The following LRRK1 variants were observed in gnomAD, a reference collection of about 807,000 sequenced individuals.
LRRK1 encodes the protein leucine rich repeat kinase 1.
In LRRK1, 113 loss-of-function variants were observed where a neutral mutation model predicts 209.1. The ratio of observed to expected loss-of-function variants is 0.54; its 90% CI spans 0.46 to 0.63. LRRK1 has a LOEUF of 0.63. LRRK1 is among the 30% of genes least tolerant of loss of function. LRRK1 has a pLI of 0.00. For synonymous variants in LRRK1, 1,144 were observed against 1,099.7 expected, an observed-to-expected ratio of 1.04 and a Z score of -0.80; for missense variants, 2,284 against 2,632.2, an observed-to-expected ratio of 0.87 and a Z score of 2.89.
chr15:101,052,073 G>A (rs996669448), intron 24 of LRRK1, 113 bp downstream of exon 24: 22 of 1,245,752 alleles, frequency 1.8e-5, no homozygotes, highest in South Asian at 1.5e-4. Flanking sequence ...CAGGTGCCCC[G>A]GCCATGGCTT....
intron 2 of LRRK1, among the ~76,000 whole-genome samples, chr15:100,955,771 T>C (rs988524038): frequency 6.6e-6 from 1 of 152,206 alleles, no homozygotes; most frequent in African/African-American, 2.4e-5. Flanking sequence ...CTTTATTCTG[T>C]TAATGTGGTG....
chr15:101,029,732 G>T (rs961320004), intron 20 of LRRK1, among the ~76,000 whole-genome samples: 1 of 152,106 alleles, frequency 6.6e-6, no homozygotes, highest in Non-Finnish European at 1.5e-5. Flanking sequence ...GCCGGGCATG[G>T]TGGTGCATGC....
chr15:101,061,351 T>TG, intron 30 of LRRK1, 63 bp downstream of exon 30: 3 of 1,165,660 alleles, frequency 2.6e-6, no homozygotes, highest in Non-Finnish European at 1.3e-6. Flanking sequence ...CAGCCCTGGG[T>TG]GGGGGCCACA....
chr15:101,066,086 G>A lies in LRRK1; in HGVS notation c.5649G>A (p.Thr1883=), dbSNP rs748966498. The A allele has an allele frequency of 5.2e-5, 84 of 1,613,934 alleles. No individual in the cohort carries two copies. Among genetic ancestry groups the A allele is most frequent in the South Asian group, 3.7e-4 (34 of 91,082 alleles). Residue 1883 remains threonine (T), a synonymous_variant, in exon 32 of 34, where the codon ACG becomes ACA. Coordinates refer to ENST00000388948, the MANE Select transcript of LRRK1 (RefSeq NM_024652.6). ...GCGAGGACTCAGACATGCTACATAC[G>A]CCCGGTGCTGCCTCCGACAGGTCTG... The part of the protein sequence containing the change: ...TDCEDSDMLH[T]PGAASDRSEH...
At chr15:100,941,720 G>C (rs1471972620) in intron 2 of LRRK1, among the ~76,000 whole-genome samples, 4 of 152,184 alleles carry the variant, frequency 2.6e-5, no homozygotes, top group Admixed American at 2.0e-4. Flanking sequence ...ACTGTAGCAG[G>C]CTGCCTTGGG....
chr15:100,978,059 C>T (rs1475294583), intron 3 of LRRK1, among the ~76,000 whole-genome samples: 1 of 151,824 alleles, frequency 6.6e-6, no homozygotes, highest in Non-Finnish European at 1.5e-5. Flanking sequence ...AATTTTAGAA[C>T]TTAAAAGTAC....
Position 100,962,812 on chromosome 15 carries a change from T to TATATATACATATATATATATATAC in LRRK1, c.98-10985_98-10984insCATATATATATATATACATATATA, listed in dbSNP as rs1474182122. ...CATTTTGCATATATATATATATATATATATATATATATTTTTTTTTTTTTT... is the reference window on the plus strand; with the variant it reads ...CATTTTGCATATATATATATATATATATATATACATATATATATATATACATATATATATATTTTTTTTTTTTTT... On this transcript the variant is annotated intron_variant, in intron 2 of 33. Transcript: ENST00000388948. 6.3e-5 allele frequency among the ~76,000 whole-genome samples: 2 copies of TATATATACATATATATATATATAC among 31,666 alleles called. 1 individual carries two copies. Among genetic ancestry groups the TATATATACATATATATATATATAC allele is most frequent in the African/African-American group, 2.1e-4 (2 of 9,558 alleles). 20.8% of individuals were successfully genotyped at this position (31,666 alleles called of 152,430 possible).
Position 100,973,936 on chromosome 15 carries a change from C to T in LRRK1, c.230C>T (p.Ala77Val), listed in dbSNP as rs893166977. The T allele has an allele frequency of 5.6e-6, 7 of 1,259,442 alleles. No homozygotes were observed. Among genetic ancestry groups the T allele is most frequent in the Admixed American group, 4.2e-5 (1 of 23,750 alleles). 78.0% of individuals were successfully genotyped at this position (1,259,442 alleles called of 1,614,324 possible). A position where few individuals can be genotyped will look rare whatever the true frequency, so the allele number is the denominator to read the frequency against. ...RGGARDLLEE[A>V]CDQCASQLEK... ...GGCGCCCGGGACCTGCTGGAGGAGG[C>T]CTGCGACCAGTGCGCGTCCCAGCTG... The change falls in exon 3 of 34, where the codon GCC (alanine) becomes GTC (valine). Residue 77 changes from alanine (A) to valine (V), a missense_variant. Transcript: ENST00000388948.
At chr15:101,046,270 C>A in intron 21 of LRRK1, 118 bp downstream of exon 21, 1 of 1,130,586 alleles carries the variant, frequency 8.8e-7, no homozygotes, top group Non-Finnish European at 1.3e-6. Flanking sequence ...TCTCCTAGAG[C>A]CATGCCACCA....
intron 12 of LRRK1, 47 bp from the exon 13 acceptor site, chr15:101,021,006 G>C: frequency 4.3e-6 from 7 of 1,610,934 alleles, no homozygotes; most frequent in Non-Finnish European, 5.9e-6. Context: ...CGCTGTGACG[G>C]TCCAGAATTA....
intron 10 of LRRK1, among the ~76,000 whole-genome samples, chr15:101,014,051 T>C (rs899378356): frequency 6.6e-6 from 1 of 152,126 alleles, no homozygotes; most frequent in African/African-American, 2.4e-5. Context: ...GACAGCTGCT[T>C]GGGCTCCTTT....
At position 101,074,955 on chromosome 15, in the gene LRRK1, G is replaced by A. The variant is rs1199895753; in HGVS notation, c.*6107G>A. 5 of 146,162 alleles carry A rather than the reference G, an allele frequency of 3.4e-5. No homozygotes were observed. The highest frequency in any genetic ancestry group is 2.0e-4 in the East Asian group (1 of 5,104). The allele number at this position is 146,162 out of a possible 1,614,324, so 9.1% of individuals were successfully genotyped here. On this transcript the variant is annotated 3_prime_UTR_variant, in exon 34 of 34. Transcript: ENST00000388948. ...CCACTCCCAGAGCCCCTGGAACTCC[G>A]GCCCAAGGCTCTCTGACTGACTCCT...
Position 101,053,374 on chromosome 15 carries a change from C to G in LRRK1, c.4008C>G (p.Leu1336=), listed in dbSNP as rs772075108. 2.5e-6 allele frequency: 4 copies of G among 1,600,820 alleles called. No homozygotes were observed. Among genetic ancestry groups the G allele is most frequent in the East Asian group, 2.2e-5 (1 of 44,856 alleles). The change falls in exon 26 of 34, where the codon CTC becomes CTG. Residue 1336 remains leucine, a synonymous_variant. Transcript: ENST00000388948. ...ACCCGCTCTGCTTCGCCCTGGAGCT[C>G]GCGCCGCTCAGCAGCCTCAACACCG... The part of the protein sequence containing the change: ...SIHPLCFALE[L]APLSSLNTVL...
intron 6 of LRRK1, among the ~76,000 whole-genome samples, chr15:101,003,245 C>T (rs1192666746): frequency 1.3e-5 from 2 of 152,196 alleles, no homozygotes; most frequent in Admixed American, 1.3e-4. Context: ...CGAGTGTCAA[C>T]ATTTTTGCAG....
At chr15:100,960,277 C>CTTTTTTTTTTTTT (rs3031656) in intron 2 of LRRK1, among the ~76,000 whole-genome samples, 1 of 116,760 alleles carries the variant, frequency 8.6e-6, no homozygotes, top group Non-Finnish European at 1.7e-5. Context: ...GTTCATATTG[C>CTTTTTTTTTTTTT]TTTTTTTTTT....
chr15:100,988,248 G>A (rs888224630), intron 4 of LRRK1, among the ~76,000 whole-genome samples: 1 of 151,466 alleles, frequency 6.6e-6, no homozygotes, highest in Non-Finnish European at 1.5e-5. Flanking sequence ...CGTCACCTGG[G>A]TAATAAGCAT....
At position 101,022,257 on chromosome 15, in the gene LRRK1, A is replaced by G. The variant is rs1412975340; in HGVS notation, c.1853-126A>G. 2 of 931,314 alleles carry G rather than the reference A, an allele frequency of 2.1e-6. No homozygotes were observed. Among genetic ancestry groups the G allele is most frequent in the Non-Finnish European group, 3.4e-6 (2 of 596,442 alleles). The allele number at this position is 931,314 out of a possible 1,614,324, so 57.7% of individuals were successfully genotyped here. The stretch of plus-strand genomic sequence containing the variant: ...GTCATGCCTTCCCTCCCCCTGATCC[A>G]GTAGTCTTCCTTAACTGTCCCCACT... On this transcript the variant is annotated intron_variant, in intron 14 of 33. Transcript: ENST00000388948. The surrounding 1 kb of genome is among the most constrained non-coding windows in gnomAD (Gnocchi z 4.0).
Position 101,066,142 on chromosome 15 carries a change from C to G in LRRK1, c.5705C>G (p.Thr1902Ser). The G allele has an allele frequency of 6.2e-7, 1 of 1,613,986 alleles. No individual in the cohort carries two copies. The highest frequency in any genetic ancestry group is 1.7e-5 in the Admixed American group (1 of 60,024). ...GACCTGACCCCCATGGACGGGGAGA[C>G]CTTCAGCCAGCACCTGCAGGCCGTG... is the stretch of plus-strand genomic sequence containing the variant. ...EHDLTPMDGE[T>S]FSQHLQAVKI... Residue 1902 changes from threonine to serine, a missense_variant, in exon 32 of 34, where the codon ACC (threonine) becomes AGC (serine). Physicochemically the swap from Thr to Ser is moderately conservative, Grantham distance 58 (BLOSUM62 1). Coordinates refer to ENST00000388948, the MANE Select transcript of LRRK1 (RefSeq NM_024652.6).
chr15:100,928,952 G>A (rs1488293236), intron 2 of LRRK1, among the ~76,000 whole-genome samples: 1 of 152,200 alleles, frequency 6.6e-6, no homozygotes, highest in Non-Finnish European at 1.5e-5. Context: ...CAGTCAGCTC[G>A]CCTGCGGTGC....
Sources: gnomAD v4.1 joint callset for allele counts (sites outside exome capture counted in the v4.1 genomes callset) on GRCh38, gnomAD v4.1.1 for gene constraint, Gnocchi (gnomAD v3.1) non-coding constraint, MANE v1.5 for transcripts, NCBI Gene and HGNC (gene_info 2026-07-23, HGNC 2026-07-21) for gene names.